The following SPAG16 variants were observed in gnomAD, a reference collection of about 807,000 sequenced individuals.
SPAG16 encodes the protein sperm-associated antigen 16 protein.
SPAG16 carries 86 observed loss-of-function variants against 80.4 expected under a neutral mutation model. The observed-to-expected ratio is 1.07, with a 90% CI of 0.90 to 1.28. The LOEUF (loss-of-function observed/expected upper bound fraction) is 1.28, where lower values mean the gene tolerates loss of function less well. Among genes scored for constraint, SPAG16 ranks in the 50% most tolerant of loss-of-function variants. The pLI is 0.00. For missense variants in SPAG16, 870 were observed against 765.3 expected (o/e 1.14, Z -1.61); for synonymous variants, 294 against 265.9 (o/e 1.11, Z -1.03).
chr2:213,766,500 A>G (rs2068946485), intron 10 of SPAG16, among the ~76,000 whole-genome samples: 2 of 152,216 alleles, frequency 1.3e-5, no homozygotes, highest in South Asian at 4.1e-4. Flanking sequence ...GGTGTCAGGG[A>G]GCTGATGAAA....
chr2:213,422,309 G>T (rs2069647340), intron 9 of SPAG16: 1 of 701,716 alleles, frequency 1.4e-6, no homozygotes, highest in East Asian at 2.7e-5. Flanking sequence ...AAGTTGCTTG[G>T]AGTGCATCTG....
chr2:213,303,902 A>G (rs1328075997), intron 3 of SPAG16, among the ~76,000 whole-genome samples: 1 of 152,124 alleles, frequency 6.6e-6, no homozygotes, highest in African/African-American at 2.4e-5. Flanking sequence ...TCCTGGTAGT[A>G]GGATTGCTGA....
At chr2:213,602,506 C>T (rs986171073) in intron 10 of SPAG16, among the ~76,000 whole-genome samples, 4 of 152,068 alleles carry the variant, frequency 2.6e-5, no homozygotes, top group South Asian at 2.1e-4. Flanking sequence ...TGGTGGTGCA[C>T]GCCTGTAATC....
chr2:213,443,742 A>G (rs2071128024), intron 9 of SPAG16, among the ~76,000 whole-genome samples: 1 of 152,194 alleles, frequency 6.6e-6, no homozygotes, highest in Non-Finnish European at 1.5e-5. Flanking sequence ...GATAATAGCT[A>G]TCATGAGAAG....
intron 10 of SPAG16, among the ~76,000 whole-genome samples, chr2:213,561,357 A>G (rs1181464527): frequency 6.6e-6 from 1 of 152,238 alleles, no homozygotes; most frequent in Non-Finnish European, 1.5e-5. Flanking sequence ...ACTATTGACT[A>G]CATATTCTGG....
intron 9 of SPAG16, among the ~76,000 whole-genome samples, chr2:213,473,859 C>T (rs1273928921): frequency 2.0e-5 from 3 of 152,210 alleles, no homozygotes; most frequent in Non-Finnish European, 4.4e-5. Flanking sequence ...GTCACACTCT[C>T]AACCTCATCT....
intron 10 of SPAG16, among the ~76,000 whole-genome samples, chr2:213,534,172 A>T (rs1299483615): frequency 6.6e-6 from 1 of 152,072 alleles, no homozygotes; most frequent in Non-Finnish European, 1.5e-5. Context: ...TTGATTTATA[A>T]GTCATTTTTT....
chr2:214,243,993 CAA>C (rs1284679860), intron 15 of SPAG16, among the ~76,000 whole-genome samples: 1 of 151,912 alleles, frequency 6.6e-6, no homozygotes. Context: ...TTCTAAAGTT[CAA>C]ATTTAAAACT....
Position 213,404,478 on chromosome 2 carries a change from A to G in SPAG16, c.942+29359A>G, listed in dbSNP as rs1334666510. Among the ~76,000 whole-genome samples, 27 of 152,280 alleles carry G rather than the reference A, an allele frequency of 1.8e-4. No homozygotes were observed. In the East Asian group the frequency reaches 4.4e-3, roughly 25 times the overall value. On this transcript the variant is annotated intron_variant, in intron 9 of 15. Transcript: ENST00000331683. Reference sequence around the variant, plus strand: ...GGGGAAAGGATTCCCTATTTAATAAATGGTGCTGGGAAAACTGGCTAGCCA... The same window carrying G: ...GGGGAAAGGATTCCCTATTTAATAAGTGGTGCTGGGAAAACTGGCTAGCCA...
chr2:214,366,675 C>T (rs1000457968), intron 15 of SPAG16, among the ~76,000 whole-genome samples: 5 of 152,014 alleles, frequency 3.3e-5, no homozygotes, highest in African/African-American at 1.2e-4. Flanking sequence ...ATCAACCAAA[C>T]ATGGTTTGAT....
chr2:214,154,166 G>T (rs750253508), intron 15 of SPAG16, among the ~76,000 whole-genome samples: 2 of 152,042 alleles, frequency 1.3e-5, no homozygotes, highest in Non-Finnish European at 2.9e-5. Context: ...ATGGAATTGC[G>T]TAGTGAAAGT....
At chr2:214,322,831 C>A (rs1696196367) in intron 15 of SPAG16, among the ~76,000 whole-genome samples, 1 of 152,282 alleles carries the variant, frequency 6.6e-6, no homozygotes, top group East Asian at 1.9e-4. Flanking sequence ...CGCTGGGAAG[C>A]AGCAGCCAGT....
chr2:214,210,395 A>G (rs962752667), intron 15 of SPAG16, among the ~76,000 whole-genome samples: 1 of 152,148 alleles, frequency 6.6e-6, no homozygotes, highest in Non-Finnish European at 1.5e-5. Flanking sequence ...GTATGTCATG[A>G]GTAAATTCAG....
chr2:213,621,059 C>T (rs75850468), intron 10 of SPAG16, among the ~76,000 whole-genome samples: 1 of 150,030 alleles, frequency 6.7e-6, no homozygotes, highest in Non-Finnish European at 1.5e-5. Flanking sequence ...AAACTAAAAA[C>T]TAGTTTTAGT....
intron 15 of SPAG16, among the ~76,000 whole-genome samples, chr2:214,248,287 ATATTATTATTATTATTAT>A (rs71975870): frequency 1.1e-3 from 151 of 138,548 alleles, no homozygotes; most frequent in East Asian, 8.8e-3. Flanking sequence ...TACTATTCTT[ATATTATTATTATTATTAT>A]TATTATTATT....
intron 12 of SPAG16, among the ~76,000 whole-genome samples, chr2:213,942,427 A>G (rs1028266922): frequency 1.3e-5 from 2 of 152,200 alleles, no homozygotes; most frequent in Non-Finnish European, 2.9e-5. Context: ...ATGGATTTTC[A>G]TTTCACTGAG....
intron 15 of SPAG16, among the ~76,000 whole-genome samples, chr2:214,165,942 A>C (rs2056636246): frequency 6.6e-6 from 1 of 152,138 alleles, no homozygotes; most frequent in African/African-American, 2.4e-5. Flanking sequence ...TATTAATTAT[A>C]AAATAATTCA....
chr2:213,451,463 T>C (rs990685940), intron 9 of SPAG16, among the ~76,000 whole-genome samples: 3 of 152,168 alleles, frequency 2.0e-5, no homozygotes, highest in Non-Finnish European at 4.4e-5. Flanking sequence ...AGATTCAACA[T>C]ATTCATACAT....
chr2:214,130,596 A>G (rs1206013492), intron 14 of SPAG16, among the ~76,000 whole-genome samples: 1 of 152,174 alleles, frequency 6.6e-6, no homozygotes, highest in East Asian at 1.9e-4. Context: ...TTATTTCTTC[A>G]TATTCCAGAA....
Sources: allele counts gnomAD v4.1 joint callset (sites outside exome capture counted in the v4.1 genomes callset), GRCh38; gene constraint gnomAD v4.1.1; transcripts MANE v1.5; gene names NCBI Gene and HGNC (gene_info 2026-07-23, HGNC 2026-07-21).